The following PERM1 variants were observed in gnomAD, a reference collection of about 807,000 sequenced individuals.
The protein encoded by PERM1 is PGC-1 and ERR-induced regulator in muscle protein 1.
A neutral mutation model predicts 44.1 loss-of-function variants in PERM1; 45 were observed. The observed-to-expected ratio is 1.02, with a 90% confidence interval of 0.80 to 1.31. The LOEUF is 1.31. Among genes scored for constraint, PERM1 ranks in the 50% most tolerant of loss-of-function variants. The pLI is 0.00. For missense variants in PERM1, 1,189 were observed against 1,106.9 expected, an observed-to-expected ratio of 1.07 and a Z score of -1.05; for synonymous variants, 565 against 477.1, an observed-to-expected ratio of 1.18 and a Z score of -2.40.
rs866101532 is a variant in PERM1, at chr1:975,846, G to A, written c.*326C>T. On this transcript the variant is annotated 3_prime_UTR_variant, in exon 3 of 3. Coordinates refer to ENST00000433179, the Ensembl canonical transcript of PERM1. ...ATTTCAGATAAACAACAACTTCTTA[G>A]TAAAATGACCTCCCCACTATTGCCT... 10 of 313,790 alleles carry A rather than the reference G, an allele frequency of 3.2e-5. No individual in the cohort carries two copies. The Middle Eastern group carries it at 3.6e-3, about 112-fold the overall frequency. 19.4% of individuals were successfully genotyped at this position (313,790 alleles called of 1,614,324 possible). A position where few individuals can be genotyped will look rare whatever the true frequency, so the allele number is the denominator to read the frequency against.
At chr1:976,001 C>T in exon 3 of PERM1, 1 of 662,680 alleles carries the variant, frequency 1.5e-6, no homozygotes, top group Non-Finnish European at 2.4e-6. Context: ...TGGCCGTGGT[C>T]ACTGGCTGGA....
chr1:978,694 G>A (rs1338224992), intron 1 of PERM1, among the ~76,000 whole-genome samples, 187 bp downstream of exon 2: 1 of 152,186 alleles, frequency 6.6e-6, no homozygotes, highest in East Asian at 1.9e-4. Flanking sequence ...GAACAACCCG[G>A]GTGCTTGGAC....
At chr1:979,391 C>A (rs991492008) in exon 1 of PERM1, 6 of 1,508,466 alleles carry the variant, frequency 4.0e-6, no homozygotes, top group Non-Finnish European at 5.3e-6. Flanking sequence ...GGCCGGGGCC[C>A]GACAGCCACA....
chr1:975,651 G>A (rs550296588), exon 3 of PERM1: 2 of 155,644 alleles, frequency 1.3e-5, no homozygotes, highest in African/African-American at 4.8e-5. Context: ...GCCCACCTGT[G>A]AGGAGGCTGC....
chr1:976,547 A>C, exon 2 of PERM1: 3 of 1,549,600 alleles, frequency 1.9e-6, no homozygotes, highest in Non-Finnish European at 2.6e-6. Context: ...CTCACAGCCC[A>C]GGTGGCAAAA....
At chr1:978,418 G>A (rs1300990978) in intron 1 of PERM1, among the ~76,000 whole-genome samples, 4 of 152,180 alleles carry the variant, frequency 2.6e-5, no homozygotes, top group South Asian at 4.1e-4. Context: ...CGCGTCTGTC[G>A]GAGTCACATC....
exon 1 of PERM1, chr1:979,293 G>A (rs1212283847): frequency 6.5e-6 from 10 of 1,546,734 alleles, no homozygotes; most frequent in African/African-American, 1.4e-5. Flanking sequence ...CCTCCGGGAG[G>A]GTCACGGCAA....
exon 1 of PERM1, chr1:979,577 C>T (rs997183121): frequency 9.7e-6 from 15 of 1,549,924 alleles, no homozygotes; most frequent in East Asian, 4.9e-5. Flanking sequence ...GAGCAGCATC[C>T]GGGGGCCCCT....
At chr1:979,299 G>T in exon 1 of PERM1, 1 of 1,544,226 alleles carries the variant, frequency 6.5e-7, no homozygotes, top group Admixed American at 2.0e-5. Flanking sequence ...GGAGGGTCAC[G>T]GCAAAGCTGC....
chr1:980,638 G>C lies in PERM1; in HGVS notation c.392C>G (p.Pro131Arg), dbSNP rs969135399. Reference sequence around the variant, plus strand: ...CTGCATCTGGTCTCCAGAAGACGCCGGACCAGGGCAGGATGAGAACTGGCT... The same window carrying C: ...CTGCATCTGGTCTCCAGAAGACGCCCGACCAGGGCAGGATGAGAACTGGCT... Residue 131 changes from proline (P) to arginine (R), a missense_variant, in exon 1 of 3, where the codon CCG becomes CGG. Pro to Arg is a moderately radical substitution (Grantham distance 103). Around this residue, in one of 3 missense-constraint regions of PERM1, gnomAD observed 274 missense variants for 317.9 expected, o/e 0.86. Coordinates refer to ENST00000433179, the Ensembl canonical transcript of PERM1. The C allele has an allele frequency of 1.1e-5, 16 of 1,441,672 alleles. No homozygotes were observed. In the South Asian group the frequency reaches 2.3e-4, roughly 20 times the overall value. The allele number at this position is 1,441,672 out of a possible 1,614,324, so 89.3% of individuals were successfully genotyped here.
chr1:976,377 C>T, intron 2 of PERM1, 108 bp from the exon 4 acceptor site: 1 of 1,496,310 alleles, frequency 6.7e-7, no homozygotes, highest in Non-Finnish European at 8.9e-7. Flanking sequence ...GCCAGGGCCG[C>T]AGCTCAGCCT....
chr1:981,302 G>GT, upstream of PERM1: 4 of 880,922 alleles, frequency 4.5e-6, no homozygotes, highest in South Asian at 7.7e-5. Flanking sequence ...AATGATAGCT[G>GT]TGTGATGATG....
At chr1:976,515 T>C in exon 2 of PERM1, 1 of 1,549,530 alleles carries the variant, frequency 6.5e-7, no homozygotes, top group Non-Finnish European at 8.7e-7. Context: ...TCCAGGCGTC[T>C]GGGGTATGCG....
At chr1:976,412 C>T in intron 2 of PERM1, 87 bp downstream of exon 3, 2 of 1,539,492 alleles carry the variant, frequency 1.3e-6, no homozygotes, top group Non-Finnish European at 1.8e-6. Flanking sequence ...AGGGGTGAGC[C>T]CCGGGGCCCC....
exon 1 of PERM1, chr1:979,839 C>T (rs936805991): frequency 5.2e-6 from 8 of 1,549,568 alleles, no homozygotes; most frequent in African/African-American, 2.7e-5. Flanking sequence ...CAGCCACGTC[C>T]GTGTCCAATT....
chr1:979,449 G>T, exon 1 of PERM1: 1 of 1,545,024 alleles, frequency 6.5e-7, no homozygotes, highest in South Asian at 1.2e-5. Flanking sequence ...CTGTCTGGGG[G>T]GCTGAGGGCC....
Position 975,274 on chromosome 1 carries a change from TGAG to T in PERM1, c.*895_*897del, listed in dbSNP as rs1365205810. On this transcript the variant is annotated 3_prime_UTR_variant, in exon 3 of 3. Transcript: ENST00000433179. The stretch of plus-strand genomic sequence containing the variant: ...CAGCAGCCAGGGTCTCCCACAGTCT[TGAG>T]GACCCCCACCCAGCACCCAGCCAGG... 4 of 152,676 alleles carry T rather than the reference TGAG, an allele frequency of 2.6e-5. No homozygotes were observed. The East Asian group carries it at 7.7e-4, about 29-fold the overall frequency. 9.5% of individuals were successfully genotyped at this position (152,676 alleles called of 1,614,324 possible).
exon 1 of PERM1, chr1:980,202 C>T (rs1344826335): frequency 2.6e-6 from 4 of 1,550,446 alleles, no homozygotes; most frequent in Non-Finnish European, 3.5e-6. Flanking sequence ...CTGTGTGCAG[C>T]TTGGCTCGGC....
upstream of PERM1, among the ~76,000 whole-genome samples, chr1:981,540 C>G (rs563783629): frequency 1.4e-3 from 220 of 152,368 alleles, no homozygotes; most frequent in Non-Finnish European, 2.8e-3. Flanking sequence ...TGCGCCCCAG[C>G]TGGCAGCCGG....
Sources: allele counts gnomAD v4.1 joint callset (sites outside exome capture counted in the v4.1 genomes callset), GRCh38; gene constraint gnomAD v4.1.1; regional missense constraint gnomAD v4.1.1; transcripts MANE v1.5; gene names NCBI Gene and HGNC (gene_info 2026-07-23, HGNC 2026-07-21).